EPHA6: variants seen among roughly 807,000 people sequenced by gnomAD.
EPHA6 encodes ephrin type-A receptor 6.
In EPHA6, 50 loss-of-function variants were observed where a neutral mutation model predicts 112.0. That is an observed-to-expected ratio of 0.45 (90% confidence interval 0.36 to 0.56). The LOEUF is 0.56. EPHA6 is among the 20% of genes least tolerant of loss of function. The pLI, the probability that EPHA6 is intolerant of heterozygous loss-of-function variation, is 0.00. For synonymous variants in EPHA6, 529 were observed against 490.7 expected (o/e 1.08, Z -1.03); for missense variants, 1,280 against 1,417.4 (o/e 0.90, Z 1.56).
intron 2 of EPHA6, among the ~76,000 whole-genome samples, chr3:96,874,546 A>T (rs1235150353): frequency 6.6e-6 from 1 of 152,122 alleles, no homozygotes; most frequent in East Asian, 1.9e-4. Flanking sequence ...AGTACTTGTC[A>T]TTCTCAAAAT....
intron 1 of EPHA6, among the ~76,000 whole-genome samples, chr3:96,824,737 A>G (rs2107238314): frequency 6.6e-6 from 1 of 152,190 alleles, no homozygotes; most frequent in East Asian, 1.9e-4. Context: ...ACTATTGTTT[A>G]CAGAAATGAA....
chr3:97,438,233 A>T (rs902966770), intron 6 of EPHA6, among the ~76,000 whole-genome samples: 1 of 152,202 alleles, frequency 6.6e-6, no homozygotes, highest in Admixed American at 6.6e-5. Flanking sequence ...CAGACGGGAA[A>T]GTTAAAACTG....
intron 2 of EPHA6, among the ~76,000 whole-genome samples, chr3:96,903,159 G>C (rs1317452677): frequency 6.6e-6 from 1 of 152,096 alleles, no homozygotes; most frequent in Non-Finnish European, 1.5e-5. Context: ...GAGCCATCTG[G>C]GTATCTGCAG....
intron 4 of EPHA6, among the ~76,000 whole-genome samples, chr3:97,228,742 G>C (rs962535280): frequency 6.6e-6 from 1 of 152,036 alleles, no homozygotes; most frequent in Non-Finnish European, 1.5e-5. Context: ...TACCTAGTAG[G>C]GGGGATTGCT....
At chr3:96,961,999 C>T (rs1316105906) in intron 2 of EPHA6, among the ~76,000 whole-genome samples, 1 of 152,130 alleles carries the variant, frequency 6.6e-6, no homozygotes, top group Non-Finnish European at 1.5e-5. Flanking sequence ...CCTAATCCTA[C>T]CAGGACATTT....
chr3:97,118,044 A>T (rs181844985), intron 3 of EPHA6, among the ~76,000 whole-genome samples: 31 of 151,948 alleles, frequency 2.0e-4, no homozygotes, highest in African/African-American at 7.2e-4. Context: ...TGATCTTCAA[A>T]TACTATTTGA....
intron 5 of EPHA6, among the ~76,000 whole-genome samples, chr3:97,389,406 G>A (rs761058306): frequency 9.9e-5 from 15 of 152,138 alleles, no homozygotes; most frequent in African/African-American, 2.9e-4. Context: ...TCCCTTATAC[G>A]TGACCTAATG....
chr3:96,940,502 G>A (rs1168171445), intron 2 of EPHA6, among the ~76,000 whole-genome samples: 4 of 152,234 alleles, frequency 2.6e-5, no homozygotes, highest in African/African-American at 9.6e-5. Context: ...CTCTGCACGT[G>A]AGATGGGTTT....
At chr3:96,901,521 C>A (rs2038611921) in intron 2 of EPHA6, among the ~76,000 whole-genome samples, 1 of 151,406 alleles carries the variant, frequency 6.6e-6, no homozygotes. Flanking sequence ...TTTGAACTTC[C>A]AGAAAGGGAC....
At chr3:97,386,424 C>T (rs544683558) in intron 5 of EPHA6, among the ~76,000 whole-genome samples, 1 of 152,234 alleles carries the variant, frequency 6.6e-6, no homozygotes, top group South Asian at 2.1e-4. Context: ...GCTACAGGCC[C>T]CATGGAAGTT....
intron 2 of EPHA6, among the ~76,000 whole-genome samples, chr3:96,947,262 A>G (rs1461148283): frequency 6.6e-6 from 1 of 152,102 alleles, no homozygotes; most frequent in African/African-American, 2.4e-5. Flanking sequence ...GCCTATGCCT[A>G]TGTCTTGAAT....
intron 7 of EPHA6, among the ~76,000 whole-genome samples, chr3:97,466,832 A>G (rs1211203730): frequency 6.6e-6 from 1 of 151,890 alleles, no homozygotes. Context: ...CTCAAAGTAC[A>G]TATAAACTCC....
chr3:97,703,756 G>A (rs903259119), intron 14 of EPHA6, among the ~76,000 whole-genome samples: 5 of 152,276 alleles, frequency 3.3e-5, no homozygotes, highest in Middle Eastern at 3.4e-3. Context: ...TCAGCAACTT[G>A]ACCTTGGGTC....
At chr3:97,367,574 T>A (rs1295525105) in intron 5 of EPHA6, among the ~76,000 whole-genome samples, 3 of 149,638 alleles carry the variant, frequency 2.0e-5, no homozygotes, top group African/African-American at 7.3e-5. Flanking sequence ...TTTTATTTAT[T>A]TTTTTTTTGT....
chr3:97,682,834 T>C lies in EPHA6; in HGVS notation c.2785-37427T>C, dbSNP rs560178933. On this transcript the variant is annotated intron_variant, in intron 14 of 17. Transcript: ENST00000389672. ...ACTCTATGGACAACTTGTCTGTCAC[T>C]ATTCAATTGTTCAAAACAAAATTCA... Among the ~76,000 whole-genome samples, 20 of 152,322 alleles carry C rather than the reference T, an allele frequency of 1.3e-4. No homozygotes were observed. The South Asian group carries it at 3.7e-3, about 28-fold the overall frequency.
At chr3:97,607,299 A>G (rs534841069) in intron 12 of EPHA6, among the ~76,000 whole-genome samples, 1 of 151,164 alleles carries the variant, frequency 6.6e-6, no homozygotes, top group South Asian at 2.1e-4. Flanking sequence ...AGAAAAGTGT[A>G]GTCTTATGAT....
At chr3:97,378,602 A>T (rs1680201323) in intron 5 of EPHA6, among the ~76,000 whole-genome samples, 1 of 152,158 alleles carries the variant, frequency 6.6e-6, no homozygotes, top group Admixed American at 6.5e-5. Flanking sequence ...CTTCAAAGCC[A>T]CAGGAGCAGA....
intron 2 of EPHA6, among the ~76,000 whole-genome samples, chr3:96,924,926 T>G (rs2039957780): frequency 6.6e-6 from 1 of 152,056 alleles, no homozygotes; most frequent in Non-Finnish European, 1.5e-5. Flanking sequence ...TTTATGTAAC[T>G]ATGCAACATA....
At chr3:97,585,126 A>C (rs1322015764) in intron 11 of EPHA6, among the ~76,000 whole-genome samples, 1 of 152,210 alleles carries the variant, frequency 6.6e-6, no homozygotes, top group Non-Finnish European at 1.5e-5. Flanking sequence ...ACTTAGGGAA[A>C]ATACATGCTT....
Sources: allele counts gnomAD v4.1 joint callset (sites outside exome capture counted in the v4.1 genomes callset), GRCh38; gene constraint gnomAD v4.1.1; transcripts MANE v1.5; gene names NCBI Gene and HGNC (gene_info 2026-07-23, HGNC 2026-07-21).